Variants in HS3ST4 observed in about 807,000 individuals in gnomAD.
The protein encoded by HS3ST4 is heparan sulfate glucosamine 3-O-sulfotransferase 4.
HS3ST4 carries 17 observed loss-of-function variants against 29.2 expected under a neutral mutation model. The observed-to-expected ratio is 0.58, with a 90% CI of 0.40 to 0.87. The LOEUF (loss-of-function observed/expected upper bound fraction) is 0.87, where lower values mean the gene tolerates loss of function less well. Among genes scored for constraint, HS3ST4 ranks in the 40% least tolerant of loss-of-function variants. The probability of loss-of-function intolerance (pLI) is 0.00; values close to 1 mark genes in which losing one functional copy is unlikely to be tolerated. For synonymous variants in HS3ST4, 314 were observed against 285.7 expected, an observed-to-expected ratio of 1.10 and a Z score of -1.00; for missense variants, 627 against 634.5, an observed-to-expected ratio of 0.99 and a Z score of 0.13.
intron 1 of HS3ST4, among the ~76,000 whole-genome samples, chr16:25,856,708 G>C (rs1967577097): frequency 6.6e-6 from 1 of 152,136 alleles, no homozygotes; most frequent in Non-Finnish European, 1.5e-5. Flanking sequence ...ATTTGTGTTG[G>C]GCTGCATTCA....
At chr16:25,731,854 G>A (rs1966571826) in intron 1 of HS3ST4, among the ~76,000 whole-genome samples, 1 of 152,346 alleles carries the variant, frequency 6.6e-6, no homozygotes, top group African/African-American at 2.4e-5. Context: ...ATTAGATTGT[G>A]TGTAAATCTG....
At chr16:26,052,936 C>T (rs1461077474) in intron 1 of HS3ST4, among the ~76,000 whole-genome samples, 1 of 152,192 alleles carries the variant, frequency 6.6e-6, no homozygotes, top group Admixed American at 6.5e-5. Context: ...TGTCTAGTGT[C>T]TTTAACACTG....
At chr16:25,935,563 A>G (rs954380041) in intron 1 of HS3ST4, among the ~76,000 whole-genome samples, 3 of 152,150 alleles carry the variant, frequency 2.0e-5, no homozygotes, top group Non-Finnish European at 4.4e-5. Flanking sequence ...AGTTGGAAAC[A>G]TATAGTATGT....
intron 1 of HS3ST4, among the ~76,000 whole-genome samples, chr16:25,779,998 C>T (rs915222688): frequency 5.3e-5 from 8 of 152,154 alleles, no homozygotes; most frequent in African/African-American, 9.7e-5. Context: ...TCCATTTCTT[C>T]GTAACGTGAG....
chr16:25,816,164 A>T (rs953052294), intron 1 of HS3ST4, among the ~76,000 whole-genome samples: 7 of 152,116 alleles, frequency 4.6e-5, no homozygotes, highest in Admixed American at 1.3e-4. Context: ...TTTACTACTC[A>T]CCCTCCGTGG....
intron 1 of HS3ST4, among the ~76,000 whole-genome samples, chr16:25,805,305 G>T (rs1966979302): frequency 6.6e-6 from 1 of 152,188 alleles, no homozygotes; most frequent in African/African-American, 2.4e-5. Context: ...TGATTTTGGA[G>T]ACTGAAAGCC....
intron 1 of HS3ST4, among the ~76,000 whole-genome samples, chr16:26,108,706 T>A (rs1422499279): frequency 6.6e-6 from 1 of 152,192 alleles, no homozygotes; most frequent in Non-Finnish European, 1.5e-5. Context: ...TCTTAATAAA[T>A]GTGAATGTCT....
intron 1 of HS3ST4, among the ~76,000 whole-genome samples, chr16:25,726,634 CT>C (rs11305673): frequency 0.73 from 111,188 of 151,980 alleles, 41,617 homozygotes; most frequent in East Asian, 0.84. Flanking sequence ...TGGATATGCC[CT>C]TGTTCTCCCT....
At chr16:25,743,310 A>G (rs1966666615) in intron 1 of HS3ST4, among the ~76,000 whole-genome samples, 2 of 152,234 alleles carry the variant, frequency 1.3e-5, no homozygotes, top group Admixed American at 6.5e-5. Flanking sequence ...AGGGATAATA[A>G]TAGTACTTAC....
At position 25,847,013 on chromosome 16, in the gene HS3ST4, G is replaced by GTT. The variant is rs5816327; in HGVS notation, c.734+153876_734+153877dup. On this transcript the variant is annotated intron_variant, in intron 1 of 1. Transcript: ENST00000331351. Reference sequence around the variant, plus strand: ...CTATTTTGCTCTCCCATCAACACGAGTTTTTTTTTTTTTTTGACTCTTTTT... The same window carrying GTT: ...CTATTTTGCTCTCCCATCAACACGAGTTTTTTTTTTTTTTTTTGACTCTTTTT... Among the ~76,000 whole-genome samples the GTT allele has an allele frequency of 8.3e-3, 1,146 of 138,320 alleles. 10 individuals carry two copies. The highest frequency in any genetic ancestry group is 0.012 in the Admixed American group (161 of 13,786). 90.7% of individuals were successfully genotyped at this position (138,320 alleles called of 152,430 possible). A position where few individuals can be genotyped will look rare whatever the true frequency, so the allele number is the denominator to read the frequency against.
intron 1 of HS3ST4, among the ~76,000 whole-genome samples, chr16:25,898,856 G>C (rs75467628): frequency 0.089 from 13,538 of 152,258 alleles, 738 homozygotes; most frequent in Non-Finnish European, 0.12. Flanking sequence ...CAAGACTTAC[G>C]TGAGAATTTA....
At chr16:25,819,758 C>T (rs1336385789) in intron 1 of HS3ST4, among the ~76,000 whole-genome samples, 2 of 151,950 alleles carry the variant, frequency 1.3e-5, no homozygotes, top group Non-Finnish European at 2.9e-5. Context: ...CATTCATTGG[C>T]CTGTCTTTTC....
At chr16:26,122,057 C>T (rs1257129686) in intron 1 of HS3ST4, among the ~76,000 whole-genome samples, 2 of 151,682 alleles carry the variant, frequency 1.3e-5, no homozygotes, top group Non-Finnish European at 2.9e-5. Context: ...GTGATGAAAT[C>T]TGAGGTTATA....
At chr16:26,065,509 A>C (rs1898531929) in intron 1 of HS3ST4, among the ~76,000 whole-genome samples, 1 of 152,190 alleles carries the variant, frequency 6.6e-6, no homozygotes, top group Non-Finnish European at 1.5e-5. Flanking sequence ...GATAAGGAAA[A>C]ATAGCTAATG....
chr16:25,813,697 A>G (rs1967064875), intron 1 of HS3ST4, among the ~76,000 whole-genome samples: 1 of 152,198 alleles, frequency 6.6e-6, no homozygotes, highest in African/African-American at 2.4e-5. Flanking sequence ...TTAAACATCC[A>G]TTAACCCAAT....
intron 1 of HS3ST4, among the ~76,000 whole-genome samples, chr16:25,863,214 G>A (rs1318204235): frequency 6.6e-6 from 1 of 152,040 alleles, no homozygotes; most frequent in East Asian, 1.9e-4. Flanking sequence ...CTCCCGAGTA[G>A]CCAGGACTAC....
intron 1 of HS3ST4, among the ~76,000 whole-genome samples, chr16:25,900,594 A>G (rs1596607895): frequency 6.6e-6 from 1 of 152,166 alleles, no homozygotes; most frequent in African/African-American, 2.4e-5. Flanking sequence ...GGTTAATGCA[A>G]TACAACAACA....
In HS3ST4 at chr16:25,849,709, G is replaced by A. The variant is rs550701035; in HGVS notation, c.734+156558G>A. On this transcript the variant is annotated intron_variant, in intron 1 of 1. Transcript: ENST00000331351. ...TTTTGTAGAGACGGGGTCTCACCAT[G>A]TTGCCCAGGCTGGTCTTGAACTCCT... Among the ~76,000 whole-genome samples, 5 of 152,228 alleles carry A rather than the reference G, an allele frequency of 3.3e-5. No individual in the cohort carries two copies. The East Asian group carries it at 9.7e-4, about 29-fold the overall frequency.
chr16:25,738,712 G>A (rs1001708673), intron 1 of HS3ST4, among the ~76,000 whole-genome samples: 15 of 152,106 alleles, frequency 9.9e-5, no homozygotes, highest in Admixed American at 3.3e-4. Flanking sequence ...CTTATTCACC[G>A]TGTGGATGAC....
Sources: allele counts gnomAD v4.1 joint callset (sites outside exome capture counted in the v4.1 genomes callset), GRCh38; gene constraint gnomAD v4.1.1; transcripts MANE v1.5; gene names NCBI Gene and HGNC (gene_info 2026-07-23, HGNC 2026-07-21).